Variants in MARCHF3 observed in about 807,000 individuals in gnomAD.
MARCHF3 encodes E3 ubiquitin-protein ligase MARCHF3.
In MARCHF3, 13 loss-of-function variants were observed where a neutral mutation model predicts 24.2. That is an observed-to-expected ratio of 0.54 (90% CI 0.35 to 0.85). The LOEUF is 0.85. Among genes scored for constraint, MARCHF3 ranks in the 40% least tolerant of loss-of-function variants. The pLI is 0.01. For synonymous variants in MARCHF3, 144 were observed against 137.3 expected, an observed-to-expected ratio of 1.05 and a Z score of -0.34; for missense variants, 276 against 325.0, an observed-to-expected ratio of 0.85 and a Z score of 1.16.
chr5:127,001,305 G>C (rs1752121690), intron 1 of MARCHF3, among the ~76,000 whole-genome samples: 1 of 151,924 alleles, frequency 6.6e-6, no homozygotes, highest in Non-Finnish European at 1.5e-5. Context: ...AAGAAGGTAG[G>C]AATTTTGTAA....
At chr5:126,874,905 TAAG>T (rs1753097863) in intron 4 of MARCHF3, among the ~76,000 whole-genome samples, 1 of 152,166 alleles carries the variant, frequency 6.6e-6, no homozygotes, top group African/African-American at 2.4e-5. Context: ...TCCCCCTTTA[TAAG>T]AAGAATTTAA....
At chr5:126,902,609 C>T (rs1398443072) in intron 3 of MARCHF3, among the ~76,000 whole-genome samples, 1 of 152,160 alleles carries the variant, frequency 6.6e-6, no homozygotes, top group Non-Finnish European at 1.5e-5. Context: ...GAGCAGTTAG[C>T]TCACTTCCAT....
At chr5:126,883,716 C>T (rs1561776687) in intron 3 of MARCHF3, among the ~76,000 whole-genome samples, 1 of 152,106 alleles carries the variant, frequency 6.6e-6, no homozygotes, top group Non-Finnish European at 1.5e-5. Flanking sequence ...GAGGGGGTGC[C>T]AGAGGTGCTG....
intron 1 of MARCHF3, among the ~76,000 whole-genome samples, chr5:126,965,022 A>T (rs1750759129): frequency 9.2e-6 from 1 of 108,310 alleles, no homozygotes; most frequent in Admixed American, 8.4e-5. Flanking sequence ...TGTTCTTAGT[A>T]AAAAAAAAAA....
At chr5:126,968,121 C>T (rs886440079) in intron 1 of MARCHF3, among the ~76,000 whole-genome samples, 1 of 152,200 alleles carries the variant, frequency 6.6e-6, no homozygotes, top group Non-Finnish European at 1.5e-5. Flanking sequence ...TTTCAAGGTT[C>T]ATCTATGTTG....
At chr5:126,900,052 C>T (rs1754054055) in intron 3 of MARCHF3, among the ~76,000 whole-genome samples, 1 of 152,062 alleles carries the variant, frequency 6.6e-6, no homozygotes, top group Non-Finnish European at 1.5e-5. Flanking sequence ...CTCTGTGCTC[C>T]ACCTTTTCAT....
chr5:126,972,778 T>C (rs1012519538), intron 1 of MARCHF3, among the ~76,000 whole-genome samples: 19 of 152,180 alleles, frequency 1.2e-4, no homozygotes, highest in Non-Finnish European at 2.5e-4. Context: ...AAGTCCAATG[T>C]CTAGACCCTG....
At chr5:126,914,767 A>AATAC (rs776762951) in intron 3 of MARCHF3, 163 bp downstream of exon 3, 37 of 484,396 alleles carry the variant, frequency 7.6e-5, no homozygotes, top group South Asian at 5.7e-4. Context: ...CTCTTTCTCA[A>AATAC]ACACACACAC....
chr5:126,992,835 G>A (rs1327577594), intron 1 of MARCHF3, among the ~76,000 whole-genome samples: 3 of 144,266 alleles, frequency 2.1e-5, no homozygotes, highest in Admixed American at 7.2e-5. Flanking sequence ...GCAGTGGCGC[G>A]ATCTCTGTTC....
At chr5:126,952,140 C>T (rs1750263752) in intron 1 of MARCHF3, among the ~76,000 whole-genome samples, 1 of 152,166 alleles carries the variant, frequency 6.6e-6, no homozygotes, top group South Asian at 2.1e-4. Context: ...AGCCATCATG[C>T]CCAGCCCTCA....
At chr5:126,906,494 C>A (rs886371880) in intron 3 of MARCHF3, among the ~76,000 whole-genome samples, 6 of 152,156 alleles carry the variant, frequency 3.9e-5, no homozygotes, top group East Asian at 1.9e-4. Context: ...ACAATTTCAG[C>A]TCCTGTCATT....
At chr5:126,929,366 G>A (rs1050006972) in intron 1 of MARCHF3, among the ~76,000 whole-genome samples, 3 of 152,138 alleles carry the variant, frequency 2.0e-5, no homozygotes, top group Non-Finnish European at 4.4e-5. Flanking sequence ...AATGTATGGC[G>A]GTCCCACTTT....
Position 127,009,258 on chromosome 5 carries a change from T to C in MARCHF3, c.-57+21092A>G, listed in dbSNP as rs532753659. 2.0e-5 allele frequency among the ~76,000 whole-genome samples: 3 copies of C among 152,334 alleles called. No homozygotes were observed. The South Asian group carries it at 6.2e-4, about 32-fold the overall frequency. On this transcript the variant is annotated intron_variant, in intron 1 of 4. Transcript: ENST00000308660. ...CTTGGGAAATTAAATTGATTGCTTA[T>C]GTCTATGTTTGAGAAAATGTAGGTG...
intron 1 of MARCHF3, among the ~76,000 whole-genome samples, chr5:126,990,085 A>AGC (rs753476264): frequency 0.99 from 141,111 of 142,756 alleles, 69,751 homozygotes; most frequent in East Asian, 1. Flanking sequence ...CCCCCATTTA[A>AGC]CAAGACAATC....
At chr5:126,967,237 A>C (rs1321094372) in intron 1 of MARCHF3, among the ~76,000 whole-genome samples, 1 of 152,104 alleles carries the variant, frequency 6.6e-6, no homozygotes, top group Non-Finnish European at 1.5e-5. Flanking sequence ...GAAAATTGTT[A>C]AAACTTACAG....
chr5:126,924,564 C>T (rs955208187), intron 1 of MARCHF3, among the ~76,000 whole-genome samples: 1 of 152,154 alleles, frequency 6.6e-6, no homozygotes, highest in Non-Finnish European at 1.5e-5. Context: ...AGACAGTGCA[C>T]TGCATGGCTG....
chr5:126,870,676 C>T lies in MARCHF3; in HGVS notation c.719G>A (p.Gly240Asp), dbSNP rs151238185. 2 of 1,614,182 alleles carry T rather than the reference C, an allele frequency of 1.2e-6. No individual in the cohort carries two copies. The highest frequency in any genetic ancestry group is 2.7e-5 in the African/African-American group (2 of 75,038). ...NVPSNQPSLL[G>D]LHSVKRNSKE... ...TGAGTTCCTCTTGACCGAATGGAGG[C>T]CCAGCAAGGACGGCTGGTTAGAAGG... The change falls in exon 5 of 5, where the codon GGC becomes GAC. Residue 240 changes from glycine (G) to aspartate (D), a missense_variant. Gly to Asp is a moderately conservative substitution (Grantham distance 94). Transcript: ENST00000308660.
intron 1 of MARCHF3, among the ~76,000 whole-genome samples, chr5:126,998,403 T>A (rs1752015008): frequency 6.6e-6 from 1 of 152,244 alleles, no homozygotes; most frequent in South Asian, 2.1e-4. Context: ...TTGGAGAATA[T>A]GCTCCAGCTT....
At chr5:126,974,141 C>G (rs1190777551) in intron 1 of MARCHF3, among the ~76,000 whole-genome samples, 1 of 152,062 alleles carries the variant, frequency 6.6e-6, no homozygotes, top group Non-Finnish European at 1.5e-5. Flanking sequence ...TCATGATCCA[C>G]CCGCCTCAGC....
Sources: allele counts gnomAD v4.1 joint callset (sites outside exome capture counted in the v4.1 genomes callset), GRCh38; gene constraint gnomAD v4.1.1; transcripts MANE v1.5; gene names NCBI Gene and HGNC (gene_info 2026-07-23, HGNC 2026-07-21).